MUC7: variants seen among roughly 807,000 people sequenced by gnomAD.
MUC7 encodes the protein mucin 7, secreted.
Under a neutral mutation model 2.5 loss-of-function variants are expected in MUC7, and 2 were observed. That is an observed-to-expected ratio of 0.81 (90% confidence interval 0.33 to 2.55). The LOEUF (loss-of-function observed/expected upper bound fraction) is 2.55. Among genes scored for constraint, MUC7 ranks in the 30% most tolerant of loss-of-function variants. The pLI, the probability that MUC7 is intolerant of heterozygous loss-of-function variation, is 0.11. For synonymous variants in MUC7, 133 were observed against 173.4 expected (o/e 0.77, Z 1.83); for missense variants, 408 against 455.6 (o/e 0.90, Z 0.95).
chr4:70,467,585 C>T (rs1013372144), upstream of MUC7, among the ~76,000 whole-genome samples: 13 of 152,178 alleles, frequency 8.5e-5, no homozygotes, highest in Non-Finnish European at 1.6e-4. Context: ...GATATCACCA[C>T]TGATCCCATA....
At chr4:70,461,237 G>C (rs968254487) in intron 1 of MUC7, among the ~76,000 whole-genome samples, 2 of 152,086 alleles carry the variant, frequency 1.3e-5, no homozygotes, top group Non-Finnish European at 2.9e-5. Flanking sequence ...TTCTTTCTGG[G>C]GAATGCAAAT....
intron 1 of MUC7, among the ~76,000 whole-genome samples, chr4:70,460,895 A>G (rs1469921102): frequency 6.6e-6 from 1 of 152,196 alleles, no homozygotes; most frequent in Non-Finnish European, 1.5e-5. Flanking sequence ...TAAGGGTGTG[A>G]GGGACTCAGT....
chr4:70,481,294 G>C lies in MUC7; in HGVS notation c.550G>C (p.Ala184Pro), dbSNP rs750769390. 1 of 1,612,854 alleles carries C rather than the reference G, an allele frequency of 6.2e-7. No homozygotes were observed. Reference protein sequence around the residue: ...ATTPAPPSSSAPPETTAAPPT... With the variant: ...ATTPAPPSSSPPPETTAAPPT... ...TACACCAGCTCCACCATCTTCCTCA[G>C]CTCCACCAGAGACCACAGCTGCCCC... is the stretch of plus-strand genomic sequence containing the variant. Residue 184 changes from alanine (A) to proline (P), a missense_variant, in exon 3 of 3, where the codon GCT becomes CCT. Physicochemically the swap from Ala to Pro is conservative, Grantham distance 27. This residue lies in a region of MUC7 where 225 missense variants were observed against 240.5 expected (regional missense o/e 0.94). Coordinates refer to ENST00000304887, the MANE Select transcript of MUC7 (RefSeq NM_152291.3).
intron 1 of MUC7, among the ~76,000 whole-genome samples, chr4:70,435,670 T>TG (rs36176865): frequency 0.84 from 128,046 of 152,150 alleles, 54,010 homozygotes; most frequent in Admixed American, 0.89. Flanking sequence ...TGCCAGTCTA[T>TG]TCTTTTAATT....
chr4:70,441,813 C>CCAA (rs1734013704), intron 1 of MUC7, among the ~76,000 whole-genome samples: 1 of 152,140 alleles, frequency 6.6e-6, no homozygotes, highest in African/African-American at 2.4e-5. Flanking sequence ...GACAATTTGT[C>CCAA]CTTTAGGCCT....
At chr4:70,438,030 C>T (rs1389131748) in intron 1 of MUC7, among the ~76,000 whole-genome samples, 1 of 152,164 alleles carries the variant, frequency 6.6e-6, no homozygotes, top group Non-Finnish European at 1.5e-5. Context: ...AATGCCTGTC[C>T]AGGCCTGGTT....
chr4:70,473,248 A>C (rs567673718), intron 1 of MUC7, among the ~76,000 whole-genome samples: 1 of 152,244 alleles, frequency 6.6e-6, no homozygotes, highest in South Asian at 2.1e-4. Context: ...CAGCCTGGGC[A>C]ACACAGTGAA....
intron 1 of MUC7, among the ~76,000 whole-genome samples, chr4:70,447,927 C>T (rs1734185125): frequency 6.6e-6 from 1 of 152,102 alleles, no homozygotes; most frequent in South Asian, 2.1e-4. Flanking sequence ...TCCACACGTG[C>T]CCCCAACTCC....
chr4:70,438,219 C>T lies in MUC7; in HGVS notation c.-93+7532C>T, dbSNP rs1211205171. ...TTATTACCATTTCTGAATAGGTAACCACAGGGTACTGATCAACATCATCCC... is the reference window on the plus strand; with the variant it reads ...TTATTACCATTTCTGAATAGGTAACTACAGGGTACTGATCAACATCATCCC... On this transcript the variant is annotated intron_variant, in intron 1 of 3. Transcript: ENST00000413702. 2.6e-5 allele frequency among the ~76,000 whole-genome samples: 4 copies of T among 152,172 alleles called. No individual in the cohort carries two copies. The East Asian group carries it at 7.7e-4, about 29-fold the overall frequency.
At chr4:70,435,275 T>C (rs1733797573) in intron 1 of MUC7, among the ~76,000 whole-genome samples, 1 of 152,162 alleles carries the variant, frequency 6.6e-6, no homozygotes, top group African/African-American at 2.4e-5. Context: ...TAATTTACTG[T>C]CTCGTTGATC....
Position 70,481,058 on chromosome 4 carries a change from T to C in MUC7, c.314T>C (p.Leu105Ser). Residue 105 changes from leucine (L) to serine (S), a missense_variant, in exon 3 of 3, where the codon TTA (leucine) becomes TCA (serine). This residue lies in a region of MUC7 where 225 missense variants were observed against 240.5 expected (regional missense o/e 0.94). Coordinates refer to ENST00000304887, the MANE Select transcript of MUC7 (RefSeq NM_152291.3). ...DKNSSVVNPT[L>S]VATTQIPSVT... The stretch of plus-strand genomic sequence containing the variant: ...AATAGCAGTGTGGTCAACCCTACCT[T>C]AGTGGCTACAACCCAAATTCCATCT... The C allele has an allele frequency of 6.2e-7, 1 of 1,614,084 alleles. No individual in the cohort carries two copies. The highest frequency in any genetic ancestry group is 8.5e-7 in the Non-Finnish European group (1 of 1,180,012).
At chr4:70,453,533 C>T (rs1734343418) in intron 1 of MUC7, among the ~76,000 whole-genome samples, 1 of 152,230 alleles carries the variant, frequency 6.6e-6, no homozygotes, top group Admixed American at 6.5e-5. Context: ...GGGCTCCCTT[C>T]TGGTCCAGGG....
At chr4:70,448,204 T>A (rs1333950062) in intron 1 of MUC7, among the ~76,000 whole-genome samples, 1 of 152,202 alleles carries the variant, frequency 6.6e-6, no homozygotes, top group Non-Finnish European at 1.5e-5. Context: ...ACATTTAGGT[T>A]GATTCCAAAT....
At chr4:70,476,614 T>A (rs776894424) in intron 2 of MUC7, among the ~76,000 whole-genome samples, 2 of 151,422 alleles carry the variant, frequency 1.3e-5, no homozygotes, top group African/African-American at 4.9e-5. Context: ...TGGTGAAACA[T>A]CGTCTCTACT....
intron 1 of MUC7, among the ~76,000 whole-genome samples, chr4:70,447,143 A>T (rs1198268174): frequency 6.6e-6 from 1 of 152,176 alleles, no homozygotes; most frequent in East Asian, 1.9e-4. Context: ...ATGTACAGAA[A>T]GCAGGGCCTT....
intron 2 of MUC7, among the ~76,000 whole-genome samples, chr4:70,478,479 C>A (rs1735071462): frequency 6.6e-6 from 1 of 152,150 alleles, no homozygotes; most frequent in Non-Finnish European, 1.5e-5. Context: ...TTAATTTAAT[C>A]CAAATCATTT....
intron 1 of MUC7, among the ~76,000 whole-genome samples, chr4:70,435,503 T>C (rs1326023929): frequency 6.6e-6 from 1 of 152,234 alleles, no homozygotes; most frequent in Non-Finnish European, 1.5e-5. Context: ...AAGTCTGTTT[T>C]ATCAGAGACT....
At chr4:70,473,036 T>C (rs745484526) in intron 1 of MUC7, among the ~76,000 whole-genome samples, 6 of 152,180 alleles carry the variant, frequency 3.9e-5, no homozygotes, top group Non-Finnish European at 8.8e-5. Flanking sequence ...CAATTCTCTT[T>C]TGCAAGTAGT....
upstream of MUC7, among the ~76,000 whole-genome samples, chr4:70,470,166 C>G (rs569016511): frequency 9.1e-4 from 138 of 152,256 alleles, no homozygotes; most frequent in African/African-American, 3.0e-3. Context: ...AACAGAAAAC[C>G]AAACACTGCA....
Sources: gnomAD v4.1 joint callset for allele counts (sites outside exome capture counted in the v4.1 genomes callset) on GRCh38, gnomAD v4.1.1 for gene constraint, gnomAD v4.1.1 regional missense constraint, MANE v1.5 for transcripts, NCBI Gene and HGNC (gene_info 2026-07-23, HGNC 2026-07-21) for gene names.